TVP23A: variants seen among roughly 807,000 people sequenced by gnomAD.
TVP23A encodes the protein trans-golgi network vesicle protein 23 homolog A.
A neutral mutation model predicts 31.7 loss-of-function variants in TVP23A; 21 were observed. The observed-to-expected ratio is 0.66, with a 90% CI of 0.47 to 0.95. The LOEUF (loss-of-function observed/expected upper bound fraction) is 0.95. TVP23A is among the 40% of genes least tolerant of loss of function. The pLI, the probability that TVP23A is intolerant of heterozygous loss-of-function variation, is 0.00. For synonymous variants in TVP23A, 104 were observed against 96.0 expected (o/e 1.08, Z -0.49); for missense variants, 279 against 255.6 (o/e 1.09, Z -0.62).
In TVP23A at chr16:10,818,265, C is replaced by T. The variant is rs1195606218; in HGVS notation, c.10-83G>A. 10 of 1,248,796 alleles carry T rather than the reference C, an allele frequency of 8.0e-6. No homozygotes were observed. The highest frequency in any genetic ancestry group is 1.1e-5 in the Non-Finnish European group (10 of 888,690). The allele number at this position is 1,248,796 out of a possible 1,614,324, so 77.4% of individuals were successfully genotyped here. On this transcript the variant is annotated intron_variant, in intron 1 of 7. Transcript: ENST00000299866. This position sits in a 1 kb window ranked among gnomAD's most constrained non-coding sequence, Gnocchi z 4.7. ...CCCGCCCTGTCCTCCTGGGCTTGGACTCCACTTGCACCCCACCGGGTTCCC... is the reference window on the plus strand; with the variant it reads ...CCCGCCCTGTCCTCCTGGGCTTGGATTCCACTTGCACCCCACCGGGTTCCC...
intron 2 of TVP23A, among the ~76,000 whole-genome samples, chr16:10,805,936 T>C (rs1271785822): frequency 6.6e-6 from 1 of 152,212 alleles, no homozygotes; most frequent in Admixed American, 6.5e-5. Context: ...TGGAGACATT[T>C]TGGTTGTCAC....
At chr16:10,805,722 T>A (rs1285015449) in intron 2 of TVP23A, among the ~76,000 whole-genome samples, 2 of 151,768 alleles carry the variant, frequency 1.3e-5, no homozygotes, top group African/African-American at 4.8e-5. Flanking sequence ...CTTATATGTT[T>A]ATTGTCTTCT....
intron 2 of TVP23A, among the ~76,000 whole-genome samples, chr16:10,782,913 C>A (rs1468126831): frequency 1.3e-5 from 2 of 152,120 alleles, no homozygotes; most frequent in Admixed American, 1.3e-4. Flanking sequence ...GCAAGAACAA[C>A]TTGGTGATGA....
intron 2 of TVP23A, among the ~76,000 whole-genome samples, chr16:10,802,907 G>C (rs1034387279): frequency 1.3e-5 from 2 of 152,164 alleles, no homozygotes; most frequent in African/African-American, 2.4e-5. Context: ...AATTGCGCAA[G>C]GATACAGAAT....
intron 2 of TVP23A, among the ~76,000 whole-genome samples, chr16:10,804,050 G>A (rs1302469641): frequency 6.6e-6 from 1 of 152,208 alleles, no homozygotes; most frequent in African/African-American, 2.4e-5. Context: ...GGAAGCAAGA[G>A]AGCAGCATAT....
intron 2 of TVP23A, among the ~76,000 whole-genome samples, chr16:10,815,667 G>A (rs1428690604): frequency 2.6e-5 from 4 of 152,198 alleles, no homozygotes; most frequent in African/African-American, 9.7e-5. Context: ...AATGTCTGGA[G>A]TGCTAACATT....
intron 2 of TVP23A, among the ~76,000 whole-genome samples, chr16:10,803,245 C>CTGTG (rs3040297): frequency 0.14 from 18,417 of 135,322 alleles, 1,450 homozygotes; most frequent in Non-Finnish European, 0.18. Context: ...GATCGCGCCA[C>CTGTG]TGTGTGTGTG....
At chr16:10,788,338 G>A (rs1354135022) in intron 2 of TVP23A, among the ~76,000 whole-genome samples, 1 of 151,638 alleles carries the variant, frequency 6.6e-6, no homozygotes, top group East Asian at 1.9e-4. Flanking sequence ...GCAGTGGTGC[G>A]ATCTCAGCTC....
At chr16:10,795,660 A>G (rs1354060548) in intron 2 of TVP23A, among the ~76,000 whole-genome samples, 2 of 152,172 alleles carry the variant, frequency 1.3e-5, no homozygotes, top group African/African-American at 4.8e-5. Flanking sequence ...AGCATGCATT[A>G]TGCCTTTTCT....
In TVP23A at chr16:10,777,892, T is replaced by A. The variant is rs566744465; in HGVS notation, c.90-2796A>T. Among the ~76,000 whole-genome samples, 1 of 152,122 alleles carries A rather than the reference T, an allele frequency of 6.6e-6. No individual in the cohort carries two copies. The highest frequency in any genetic ancestry group is 1.5e-5 in the Non-Finnish European group (1 of 68,012). ...TGAGCGTGGTGGTGGGCGCCTGTAG[T>A]CCCAGCTACTCGGGACGCTGAGGCA... On this transcript the variant is annotated intron_variant, in intron 2 of 7. Transcript: ENST00000299866. This position sits in a 1 kb window ranked among gnomAD's most constrained non-coding sequence, Gnocchi z 4.5.
chr16:10,815,819 G>C (rs1329511443), intron 2 of TVP23A, among the ~76,000 whole-genome samples: 1 of 152,210 alleles, frequency 6.6e-6, no homozygotes, highest in Non-Finnish European at 1.5e-5. Flanking sequence ...AGATGTTCTA[G>C]AAGATTCTTT....
In TVP23A at chr16:10,794,944, G is replaced by C. The variant is rs142062031; in HGVS notation, c.90-19848C>G. Among the ~76,000 whole-genome samples the C allele has an allele frequency of 6.0e-4, 92 of 152,084 alleles. 1 individual carries two copies. The East Asian group carries it at 0.017, about 28-fold the overall frequency. On this transcript the variant is annotated intron_variant, in intron 2 of 7. Coordinates refer to ENST00000299866, the MANE Select transcript of TVP23A (RefSeq NM_001079512.4). ...ACCACAGAGAGCTAGTAACACAGGC[G>C]ACCCGAGGCAGTGGCCTCTGAACTC...
rs773665087 is a variant in TVP23A, at chr16:10,771,795, G to C, written c.457C>G (p.Leu153Val). ...LFSLKLKWLALVVAGISLQAA... is the reference protein window; with the variant it reads ...LFSLKLKWLAVVVAGISLQAA... ...TGGAGAGAGATCCCAGCAACCACCA[G>C]AGCCTGCACTCAGACAAAGAAAGCA... Residue 153 changes from leucine (L) to valine (V), a missense_variant, in exon 6 of 8, where the codon CTG (leucine) becomes GTG (valine). Physicochemically the swap from Leu to Val is conservative, Grantham distance 32. Coordinates refer to ENST00000299866, the MANE Select transcript of TVP23A (RefSeq NM_001079512.4). 4 of 1,571,494 alleles carry C rather than the reference G, an allele frequency of 2.5e-6. No individual in the cohort carries two copies. The African/African-American group carries it at 5.4e-5, about 21-fold the overall frequency.
At position 10,804,929 on chromosome 16, in the gene TVP23A, G is replaced by A. The variant is rs78192062; in HGVS notation, c.89+13174C>T. ...AGCAAAACCCTGTACCTCTTGGGCA[G>A]TTTCTCCCCATTCTCCCCACTCCTC... On this transcript the variant is annotated intron_variant, in intron 2 of 7. Transcript: ENST00000299866. 7.3e-5 allele frequency among the ~76,000 whole-genome samples: 11 copies of A among 151,388 alleles called. No homozygotes were observed. In the East Asian group the frequency reaches 2.0e-3, roughly 27 times the overall value.
Position 10,767,908 on chromosome 16 carries a change from C to T in TVP23A, c.*1194G>A. 1.3e-6 allele frequency: 2 copies of T among 1,585,078 alleles called. No individual in the cohort carries two copies. The highest frequency in any genetic ancestry group is 1.7e-6 in the Non-Finnish European group (2 of 1,153,906). ...CAAGATCTTGTGGCCATTCTGTTTTCCTCTTGGACTGAATTGTCTTCCGTT... is the reference window on the plus strand; with the variant it reads ...CAAGATCTTGTGGCCATTCTGTTTTTCTCTTGGACTGAATTGTCTTCCGTT... On this transcript the variant is annotated 3_prime_UTR_variant, in exon 8 of 8. Transcript: ENST00000299866. This position sits in a 1 kb window ranked among gnomAD's most constrained non-coding sequence, Gnocchi z 4.6.
At chr16:10,766,611 G>A (rs755204838), downstream of TVP23A, 13 of 189,578 alleles carry the variant, frequency 6.9e-5, no homozygotes, top group Admixed American at 2.5e-4. This position sits in a 1 kb window ranked among gnomAD's most constrained non-coding sequence, Gnocchi z 4.8. Context: ...TGGGCCCAGC[G>A]TTAACGGCGG....
At chr16:10,799,876 C>T (rs116916296) in intron 2 of TVP23A, among the ~76,000 whole-genome samples, 66 of 152,092 alleles carry the variant, frequency 4.3e-4, no homozygotes, top group Non-Finnish European at 1.8e-4. Context: ...CAGAGAGGCC[C>T]GAGACTGACT....
At chr16:10,757,962 C>G, downstream of TVP23A, 2 of 1,614,104 alleles carry the variant, frequency 1.2e-6, no homozygotes, top group East Asian at 2.2e-5. This position sits in a 1 kb window ranked among gnomAD's most constrained non-coding sequence, Gnocchi z 4.1. Flanking sequence ...GGATGAACAC[C>G]TCTCGGTCGT....
intron 2 of TVP23A, chr16:10,775,679 C>T (rs528961846): frequency 1.1e-4 from 36 of 317,618 alleles, no homozygotes; most frequent in African/African-American, 7.7e-4. Flanking sequence ...CCTTTAGACA[C>T]AAACCTGGCC....
Sources: allele counts gnomAD v4.1 joint callset (sites outside exome capture counted in the v4.1 genomes callset), GRCh38; gene constraint gnomAD v4.1.1; non-coding constraint Gnocchi (gnomAD v3.1); transcripts MANE v1.5; gene names NCBI Gene and HGNC (gene_info 2026-07-23, HGNC 2026-07-21).